Variants in CTNNA3 observed in about 807,000 individuals in gnomAD.
CTNNA3 encodes the protein catenin alpha-3.
Under a neutral mutation model 95.7 loss-of-function variants are expected in CTNNA3, and 76 were observed. The ratio of observed to expected loss-of-function variants is 0.79; its 90% CI spans 0.66 to 0.96. CTNNA3 has a LOEUF of 0.96. Ranked by LOEUF, CTNNA3 falls within the 40% of genes least tolerant of loss-of-function variation. The pLI is 0.00. For missense variants in CTNNA3, 1,191 were observed against 1,089.8 expected (o/e 1.09, Z -1.31); for synonymous variants, 431 against 374.4 (o/e 1.15, Z -1.74).
intron 11 of CTNNA3, among the ~76,000 whole-genome samples, chr10:66,393,403 A>G (rs2092949204): frequency 6.6e-6 from 1 of 152,136 alleles, no homozygotes; most frequent in Admixed American, 6.6e-5. Context: ...TGGTTCATCA[A>G]TAGTAACAAT....
intron 1 of CTNNA3, among the ~76,000 whole-genome samples, chr10:67,678,866 A>G (rs1840578440): frequency 6.6e-6 from 1 of 152,192 alleles, no homozygotes; most frequent in Non-Finnish European, 1.5e-5. Flanking sequence ...TAGGATGAGC[A>G]AAGACTTAAA....
intron 5 of CTNNA3, among the ~76,000 whole-genome samples, chr10:67,518,694 T>C (rs1475318895): frequency 2.6e-5 from 4 of 152,104 alleles, no homozygotes; most frequent in Non-Finnish European, 5.9e-5. Context: ...GTCCACATTA[T>C]CAAACCTTAT....
At chr10:67,194,504 T>A (rs2132185502) in intron 6 of CTNNA3, among the ~76,000 whole-genome samples, 1 of 152,056 alleles carries the variant, frequency 6.6e-6, no homozygotes, top group African/African-American at 2.4e-5. Context: ...TATATGACAT[T>A]CTGAAAAGGG....
chr10:67,478,671 A>T (rs1848107150), intron 5 of CTNNA3, among the ~76,000 whole-genome samples: 1 of 152,148 alleles, frequency 6.6e-6, no homozygotes, highest in African/African-American at 2.4e-5. Context: ...CTGCTACCAC[A>T]AAAACATACT....
intron 3 of CTNNA3, among the ~76,000 whole-genome samples, chr10:67,604,782 C>T (rs1843209182): frequency 6.6e-6 from 1 of 152,144 alleles, no homozygotes; most frequent in African/African-American, 2.4e-5. Flanking sequence ...TCTAAACTGG[C>T]TTGGTGACTA....
intron 5 of CTNNA3, among the ~76,000 whole-genome samples, chr10:67,285,351 G>C (rs1823833242): frequency 6.6e-6 from 1 of 152,124 alleles, no homozygotes; most frequent in Non-Finnish European, 1.5e-5. Flanking sequence ...TAAGGAAATA[G>C]ACGGCTAGAG....
intron 1 of CTNNA3, among the ~76,000 whole-genome samples, chr10:67,669,592 C>T (rs190395814): frequency 6.6e-6 from 1 of 152,204 alleles, no homozygotes; most frequent in African/African-American, 2.4e-5. Flanking sequence ...TGAAATGAGA[C>T]CTATAAAACT....
At chr10:66,350,230 A>C (rs2092556405) in intron 12 of CTNNA3, among the ~76,000 whole-genome samples, 1 of 152,058 alleles carries the variant, frequency 6.6e-6, no homozygotes, top group Non-Finnish European at 1.5e-5. Flanking sequence ...TGGGCTACTC[A>C]CTGAAAGACA....
At chr10:67,583,462 C>A (rs555266454) in intron 3 of CTNNA3, among the ~76,000 whole-genome samples, 2 of 152,270 alleles carry the variant, frequency 1.3e-5, no homozygotes, top group East Asian at 3.9e-4. Flanking sequence ...TTGTGGGTAA[C>A]CTGATCTTTC....
chr10:66,630,367 CT>C (rs1845089874), intron 9 of CTNNA3, among the ~76,000 whole-genome samples: 1 of 152,102 alleles, frequency 6.6e-6, no homozygotes, highest in Non-Finnish European at 1.5e-5. Context: ...AAGAAAAGTA[CT>C]TGTTTTTCTT....
intron 12 of CTNNA3, among the ~76,000 whole-genome samples, chr10:66,299,098 C>T (rs918349574): frequency 1.3e-5 from 2 of 152,170 alleles, no homozygotes; most frequent in African/African-American, 2.4e-5. Context: ...TGCGAGTCTT[C>T]TGGCCTTTGC....
At chr10:66,656,010 T>C (rs1017694137) in intron 9 of CTNNA3, among the ~76,000 whole-genome samples, 1 of 152,136 alleles carries the variant, frequency 6.6e-6, no homozygotes, top group African/African-American at 2.4e-5. Flanking sequence ...GAGTACTTAC[T>C]GAATCTTCTG....
At chr10:67,681,425 G>T (rs891911911) in intron 1 of CTNNA3, among the ~76,000 whole-genome samples, 1 of 152,016 alleles carries the variant, frequency 6.6e-6, no homozygotes, top group Admixed American at 6.6e-5. Flanking sequence ...GAAAAAAGGT[G>T]ATTCTTAAAT....
At chr10:66,950,237 C>T (rs1848469701) in intron 7 of CTNNA3, among the ~76,000 whole-genome samples, 1 of 152,126 alleles carries the variant, frequency 6.6e-6, no homozygotes, top group African/African-American at 2.4e-5. Flanking sequence ...CCATTCAACT[C>T]TAATTGTATA....
chr10:66,580,787 A>G (rs1258848077), intron 10 of CTNNA3, among the ~76,000 whole-genome samples: 1 of 151,772 alleles, frequency 6.6e-6, no homozygotes, highest in Non-Finnish European at 1.5e-5. Context: ...TTTAGGGGTA[A>G]AAGTGGTTCT....
In CTNNA3 at chr10:67,485,964, G is replaced by A. The variant is rs115238144; in HGVS notation, c.579+35878C>T. Among the ~76,000 whole-genome samples the A allele has an allele frequency of 7.0e-3, 1,067 of 152,238 alleles. 13 individuals are homozygous for A. Among genetic ancestry groups the A allele is most frequent in the African/African-American group, 0.025 (1,019 of 41,534 alleles). ...TCCCTACAGGGATATAAATAATGCC[G>A]TATCTTCTGCTATTTAAAAATTCCT... On this transcript the variant is annotated intron_variant, in intron 5 of 17. Transcript: ENST00000433211.
intron 7 of CTNNA3, among the ~76,000 whole-genome samples, chr10:66,940,730 T>A (rs1421518651): frequency 6.6e-6 from 1 of 152,166 alleles, no homozygotes; most frequent in African/African-American, 2.4e-5. Context: ...AATCAATGGC[T>A]AAATTATTCC....
At chr10:67,282,548 T>C (rs1839440609) in intron 5 of CTNNA3, among the ~76,000 whole-genome samples, 1 of 152,276 alleles carries the variant, frequency 6.6e-6, no homozygotes, top group Non-Finnish European at 1.5e-5. Context: ...TATGTTTTCT[T>C]TTCTCACATT....
At chr10:66,234,585 G>C (rs1256793778) in intron 13 of CTNNA3, among the ~76,000 whole-genome samples, 2 of 152,176 alleles carry the variant, frequency 1.3e-5, no homozygotes, top group African/African-American at 2.4e-5. Context: ...TGTGTTACAA[G>C]TATTTGATTG....
Sources: gnomAD v4.1 joint callset for allele counts (sites outside exome capture counted in the v4.1 genomes callset) on GRCh38, gnomAD v4.1.1 for gene constraint, MANE v1.5 for transcripts, NCBI Gene and HGNC (gene_info 2026-07-23, HGNC 2026-07-21) for gene names.